The following FBXO15 variants were observed in gnomAD, a reference collection of about 807,000 sequenced individuals.
FBXO15 encodes F-box protein 15, also known as F-box only protein 15.
In FBXO15, 30 loss-of-function variants were observed where a neutral mutation model predicts 49.5. That is an observed-to-expected ratio of 0.61 (90% CI 0.45 to 0.82). The LOEUF (loss-of-function observed/expected upper bound fraction) is 0.82, where lower values mean the gene tolerates loss of function less well. Ranked by LOEUF, FBXO15 falls within the 40% of genes least tolerant of loss-of-function variation. FBXO15 has a pLI of 0.00. For synonymous variants in FBXO15, 250 were observed against 232.7 expected, an observed-to-expected ratio of 1.07 and a Z score of -0.68; for missense variants, 591 against 631.5, an observed-to-expected ratio of 0.94 and a Z score of 0.69.
chr18:74,101,256 T>C (rs1913505790), intron 8 of FBXO15, among the ~76,000 whole-genome samples: 1 of 152,078 alleles, frequency 6.6e-6, no homozygotes, highest in Non-Finnish European at 1.5e-5. Context: ...TTTTACATAA[T>C]GCAAGCCAAT....
At chr18:74,080,570 GC>G (rs1332595872) in intron 9 of FBXO15, among the ~76,000 whole-genome samples, 1 of 152,174 alleles carries the variant, frequency 6.6e-6, no homozygotes, top group Non-Finnish European at 1.5e-5. Context: ...CAGAATCACT[GC>G]TTGGAGCTCA....
intron 4 of FBXO15, 42 bp from the exon 5 acceptor site, chr18:74,129,656 A>G: frequency 7.9e-7 from 1 of 1,264,434 alleles, no homozygotes; most frequent in Middle Eastern, 2.8e-4. Context: ...GCCTCATTGA[A>G]AAAAAAAAAA....
chr18:74,076,801 C>T (rs1912274963), intron 9 of FBXO15, among the ~76,000 whole-genome samples: 1 of 152,196 alleles, frequency 6.6e-6, no homozygotes, highest in African/African-American at 2.4e-5. Context: ...CTCATCCGCC[C>T]ATCCCACCTC....
At chr18:74,102,710 C>T (rs1034692744) in intron 8 of FBXO15, among the ~76,000 whole-genome samples, 3 of 152,088 alleles carry the variant, frequency 2.0e-5, no homozygotes, top group African/African-American at 7.2e-5. Context: ...CACACAAATG[C>T]CCATCAATCA....
In FBXO15 at chr18:74,134,366, A is replaced by ATT. The variant is rs34748425; in HGVS notation, c.332+1394_332+1395dup. ...ACTATTCATTAGTATGACCTGGAGAATTTTTTTTTTTTTTTTTTTTTTGAG... is the reference window on the plus strand; with the variant it reads ...ACTATTCATTAGTATGACCTGGAGAATTTTTTTTTTTTTTTTTTTTTTTTGAG... On this transcript the variant is annotated intron_variant, in intron 3 of 9. Coordinates refer to ENST00000419743, the MANE Select transcript of FBXO15 (RefSeq NM_001142958.2). Among the ~76,000 whole-genome samples, 289 of 119,232 alleles carry ATT rather than the reference A, an allele frequency of 2.4e-3. 2 individuals are homozygous for ATT. Among genetic ancestry groups the ATT allele is most frequent in the East Asian group, 4.2e-3 (16 of 3,792 alleles). 78.2% of individuals were successfully genotyped at this position (119,232 alleles called of 152,430 possible). A position where few individuals can be genotyped will look rare whatever the true frequency, so the allele number is the denominator to read the frequency against.
intron 8 of FBXO15, among the ~76,000 whole-genome samples, chr18:74,083,512 C>A (rs893555523): frequency 2.6e-5 from 4 of 152,228 alleles, no homozygotes; most frequent in African/African-American, 9.6e-5. Context: ...AGGCAGCCGA[C>A]GGCGCCTACA....
At chr18:74,132,998 C>A (rs1162992745) in intron 3 of FBXO15, among the ~76,000 whole-genome samples, 3 of 152,240 alleles carry the variant, frequency 2.0e-5, no homozygotes, top group Admixed American at 6.5e-5. Flanking sequence ...ACTCACTACA[C>A]TATGTGTGCT....
At chr18:74,142,775 T>C (rs8086350) in intron 1 of FBXO15, among the ~76,000 whole-genome samples, 1 of 152,112 alleles carries the variant, frequency 6.6e-6, no homozygotes. Context: ...CACATCCTGG[T>C]GTTCCAGAAG....
intron 3 of FBXO15, 178 bp from the exon 4 acceptor site, chr18:74,130,836 T>A: frequency 4.7e-6 from 3 of 639,654 alleles, no homozygotes; most frequent in African/African-American, 1.8e-5. Context: ...TTTAGTGTTT[T>A]AAATTCAACA....
chr18:74,118,009 C>CT (rs35355168), intron 8 of FBXO15, among the ~76,000 whole-genome samples: 13,136 of 141,220 alleles, frequency 0.093, 797 homozygotes, highest in Admixed American at 0.2. Context: ...ATACATATTT[C>CT]TTTTTTTTTT....
rs771635541 is a variant in FBXO15, at chr18:74,125,544, C to T, written c.912+431G>A. 2.5e-4 allele frequency among the ~76,000 whole-genome samples: 38 copies of T among 152,148 alleles called. 1 individual carries two copies. Among genetic ancestry groups the T allele is most frequent in the Non-Finnish European group, 3.1e-4 (21 of 68,030 alleles). ...CTGAAGAGCAGATTTCACTCAATGC[C>T]GCACCTACAGGATCAGAAACAGGCT... is the stretch of plus-strand genomic sequence containing the variant. On this transcript the variant is annotated intron_variant, in intron 6 of 9. Coordinates refer to ENST00000419743, the MANE Select transcript of FBXO15 (RefSeq NM_001142958.2).
At chr18:74,118,051 G>A (rs893427670) in intron 8 of FBXO15, among the ~76,000 whole-genome samples, 1 of 150,738 alleles carries the variant, frequency 6.6e-6, no homozygotes, top group Non-Finnish European at 1.5e-5. Context: ...CTGTTGCCCA[G>A]GCTGGAGTGC....
At chr18:74,108,537 G>C (rs1266071419) in intron 8 of FBXO15, among the ~76,000 whole-genome samples, 1 of 147,634 alleles carries the variant, frequency 6.8e-6, no homozygotes, top group Admixed American at 6.7e-5. Context: ...AAAAAAAACA[G>C]AACAGAATAT....
At chr18:74,109,139 GA>G (rs1913897074) in intron 8 of FBXO15, among the ~76,000 whole-genome samples, 1 of 151,932 alleles carries the variant, frequency 6.6e-6, no homozygotes. Flanking sequence ...AAATTTGCAA[GA>G]AAAAAATAAC....
chr18:74,082,628 AC>A (rs1293049737), intron 8 of FBXO15, among the ~76,000 whole-genome samples: 1 of 152,254 alleles, frequency 6.6e-6, no homozygotes, highest in South Asian at 2.1e-4. Context: ...GCCTGGCCAC[AC>A]GGAGGAGCCC....
chr18:74,075,559 A>G lies in FBXO15; in HGVS notation c.1264-1829T>C, dbSNP rs2145092989. Among the ~76,000 whole-genome samples, 1 of 152,304 alleles carries G rather than the reference A, an allele frequency of 6.6e-6. No homozygotes were observed. Among genetic ancestry groups the G allele is most frequent in the East Asian group, 1.9e-4 (1 of 5,170 alleles). On this transcript the variant is annotated intron_variant, in intron 9 of 9. Transcript: ENST00000419743. This position sits in a 1 kb window ranked among gnomAD's most constrained non-coding sequence, Gnocchi z 4.1. ...GCTTCCCAGACAACCCTCTCCAAAG[A>G]GCTGTCTCCGCTGGATTTGTCCATT...
At chr18:74,096,298 G>A (rs772150273) in intron 8 of FBXO15, among the ~76,000 whole-genome samples, 2 of 152,106 alleles carry the variant, frequency 1.3e-5, no homozygotes, top group Non-Finnish European at 2.9e-5. Context: ...TGGCTGTTCA[G>A]TAGCACCACA....
At chr18:74,092,962 A>G (rs909536168) in intron 8 of FBXO15, among the ~76,000 whole-genome samples, 1 of 152,058 alleles carries the variant, frequency 6.6e-6, no homozygotes, top group African/African-American at 2.4e-5. Context: ...GCAGGCTGCT[A>G]GGGTCCATAC....
At chr18:74,112,861 T>C (rs1333341060) in intron 8 of FBXO15, among the ~76,000 whole-genome samples, 1 of 152,228 alleles carries the variant, frequency 6.6e-6, no homozygotes, top group Non-Finnish European at 1.5e-5. Context: ...CTGTTAGTGA[T>C]GCAAAATGCT....
Sources: allele counts gnomAD v4.1 joint callset (sites outside exome capture counted in the v4.1 genomes callset), GRCh38; gene constraint gnomAD v4.1.1; non-coding constraint Gnocchi (gnomAD v3.1); transcripts MANE v1.5; gene names NCBI Gene and HGNC (gene_info 2026-07-23, HGNC 2026-07-21).